FAF1: variants seen among roughly 807,000 people sequenced by gnomAD.
FAF1 encodes Fas associated factor 1.
FAF1 carries 25 observed loss-of-function variants against 92.5 expected under a neutral mutation model. That is an observed-to-expected ratio of 0.27 (90% CI 0.20 to 0.38). The LOEUF (loss-of-function observed/expected upper bound fraction) is 0.38, where lower values mean the gene tolerates loss of function less well. Among genes scored for constraint, FAF1 ranks in the 10% least tolerant of loss-of-function variants. The probability of loss-of-function intolerance (pLI) is 1.00; values close to 1 mark genes in which losing one functional copy is unlikely to be tolerated. For synonymous variants in FAF1, 234 were observed against 273.2 expected, an observed-to-expected ratio of 0.86 and a Z score of 1.42; for missense variants, 636 against 793.3, an observed-to-expected ratio of 0.80 and a Z score of 2.38.
At chr1:50,501,876 T>C (rs1443904944) in intron 15 of FAF1, among the ~76,000 whole-genome samples, 2 of 152,212 alleles carry the variant, frequency 1.3e-5, no homozygotes, top group South Asian at 2.1e-4. Flanking sequence ...CAAATGACCA[T>C]ATTACCATAT....
intron 2 of FAF1, among the ~76,000 whole-genome samples, chr1:50,836,170 G>GTTTTTTTGTGT (rs1553144965): frequency 1.0e-5 from 1 of 98,526 alleles, no homozygotes; most frequent in Non-Finnish European, 2.0e-5. Flanking sequence ...TTTTGTTTCT[G>GTTTTTTTGTGT]TTTTTTTTTT....
intron 8 of FAF1, among the ~76,000 whole-genome samples, chr1:50,626,750 T>C (rs1033184674): frequency 2.6e-5 from 4 of 152,068 alleles, no homozygotes; most frequent in Non-Finnish European, 4.4e-5. Context: ...GGAGAGTTGA[T>C]TGAGGGGAAG....
intron 12 of FAF1, among the ~76,000 whole-genome samples, chr1:50,577,482 G>T (rs964602470): frequency 6.6e-6 from 1 of 152,198 alleles, no homozygotes; most frequent in Non-Finnish European, 1.5e-5. Context: ...CCGAGATGGC[G>T]CCACTGCACT....
chr1:50,899,274 G>A (rs1644778500), intron 1 of FAF1, among the ~76,000 whole-genome samples: 1 of 151,944 alleles, frequency 6.6e-6, no homozygotes, highest in South Asian at 2.1e-4. Context: ...TTCCTCTACT[G>A]TCTTAAACAT....
chr1:50,639,683 C>G (rs1183982605), intron 8 of FAF1, among the ~76,000 whole-genome samples: 1 of 151,884 alleles, frequency 6.6e-6, no homozygotes, highest in Non-Finnish European at 1.5e-5. Flanking sequence ...CGCCTGTAAT[C>G]CCAGCACTTT....
chr1:50,577,689 A>G (rs1488377141), intron 12 of FAF1, among the ~76,000 whole-genome samples: 1 of 152,168 alleles, frequency 6.6e-6, no homozygotes, highest in Non-Finnish European at 1.5e-5. Flanking sequence ...GGAAACCTCT[A>G]TTTCCCAGAT....
chr1:50,668,290 T>C (rs1425313991), intron 7 of FAF1, among the ~76,000 whole-genome samples: 4 of 152,324 alleles, frequency 2.6e-5, no homozygotes, highest in African/African-American at 9.6e-5. Flanking sequence ...TCTGCATAAC[T>C]AACGCACCAA....
chr1:50,959,031 G>A (rs1350530570), intron 1 of FAF1, among the ~76,000 whole-genome samples: 1 of 152,180 alleles, frequency 6.6e-6, no homozygotes, highest in Non-Finnish European at 1.5e-5. Context: ...GTGGCACTAC[G>A]ACTGGGTTTA....
At chr1:50,879,868 T>C (rs892680166) in intron 1 of FAF1, among the ~76,000 whole-genome samples, 1 of 152,200 alleles carries the variant, frequency 6.6e-6, no homozygotes, top group African/African-American at 2.4e-5. Flanking sequence ...CTTAATTGGC[T>C]AAGGCAGTCA....
At chr1:50,921,354 C>T (rs959558963) in intron 1 of FAF1, among the ~76,000 whole-genome samples, 1 of 152,242 alleles carries the variant, frequency 6.6e-6, no homozygotes. Context: ...ATCAGCTTGA[C>T]ACCTCCTGCC....
intron 6 of FAF1, among the ~76,000 whole-genome samples, chr1:50,718,147 G>A (rs1658264455): frequency 1.3e-5 from 2 of 151,974 alleles, no homozygotes. Flanking sequence ...AGCCTCCCAA[G>A]TAGCTGGGAT....
chr1:50,627,866 G>A (rs1653583089), intron 8 of FAF1, among the ~76,000 whole-genome samples: 1 of 151,860 alleles, frequency 6.6e-6, no homozygotes, highest in Non-Finnish European at 1.5e-5. Flanking sequence ...AAGAAGTCAA[G>A]AACAGTGAAG....
At chr1:50,724,128 G>A (rs1658525138) in intron 6 of FAF1, among the ~76,000 whole-genome samples, 1 of 151,676 alleles carries the variant, frequency 6.6e-6, no homozygotes, top group Non-Finnish European at 1.5e-5. Context: ...AGCCACTTGG[G>A]AGGCTAAGGC....
chr1:50,445,041 A>G (rs922172256), intron 18 of FAF1, among the ~76,000 whole-genome samples: 1 of 152,226 alleles, frequency 6.6e-6, no homozygotes, highest in Non-Finnish European at 1.5e-5. Flanking sequence ...GTATAGTCCA[A>G]GCACTTTAAT....
At chr1:50,773,309 A>T (rs901614114) in intron 4 of FAF1, among the ~76,000 whole-genome samples, 3 of 152,176 alleles carry the variant, frequency 2.0e-5, no homozygotes, top group Non-Finnish European at 4.4e-5. Context: ...GTGACATCAG[A>T]TCCAGCCATC....
At chr1:50,757,778 A>G (rs901685988) in intron 4 of FAF1, among the ~76,000 whole-genome samples, 1 of 151,766 alleles carries the variant, frequency 6.6e-6, no homozygotes, top group Non-Finnish European at 1.5e-5. Flanking sequence ...TTTCTTTTCT[A>G]TTGGTCTTAT....
At chr1:50,882,839 A>C (rs1644624922) in intron 1 of FAF1, among the ~76,000 whole-genome samples, 2 of 151,866 alleles carry the variant, frequency 1.3e-5, no homozygotes, top group African/African-American at 4.8e-5. Context: ...TACAAAAATT[A>C]GCTGGGCATG....
At chr1:50,540,041 G>C (rs568436465) in intron 13 of FAF1, among the ~76,000 whole-genome samples, 1 of 151,640 alleles carries the variant, frequency 6.6e-6, no homozygotes, top group Non-Finnish European at 1.5e-5. Flanking sequence ...TTGTGATCTC[G>C]GCTCACTGAA....
Position 50,440,806 on chromosome 1 carries a change from G to A in FAF1, c.*634C>T, listed in dbSNP as rs1175561070. Reference sequence around the variant, plus strand: ...GCAATGGAACAGCAAATACCTCCTAGGTAGAACCTGGAGACCCAAGGCAGC... The same window carrying A: ...GCAATGGAACAGCAAATACCTCCTAAGTAGAACCTGGAGACCCAAGGCAGC... On this transcript the variant is annotated 3_prime_UTR_variant, in exon 19 of 19. Transcript: ENST00000396153. The A allele has an allele frequency of 2.0e-5, 3 of 152,148 alleles. No homozygotes were observed. The highest frequency in any genetic ancestry group is 7.2e-5 in the African/African-American group (3 of 41,418). 9.4% of individuals were successfully genotyped at this position (152,148 alleles called of 1,614,324 possible).
Sources: gnomAD v4.1 joint callset for allele counts (sites outside exome capture counted in the v4.1 genomes callset) on GRCh38, gnomAD v4.1.1 for gene constraint, MANE v1.5 for transcripts, NCBI Gene and HGNC (gene_info 2026-07-23, HGNC 2026-07-21) for gene names.